KCNMA1: variants seen among roughly 807,000 people sequenced by gnomAD.
KCNMA1 encodes Calcium-activated potassium channel subunit alpha-1.
A neutral mutation model predicts 140.0 loss-of-function variants in KCNMA1; 29 were observed. The ratio of observed to expected loss-of-function variants is 0.21; its 90% CI spans 0.15 to 0.28. KCNMA1 has a LOEUF of 0.28. Among genes scored for constraint, KCNMA1 ranks in the 10% least tolerant of loss-of-function variants. The pLI is 1.00. For missense variants in KCNMA1, 880 were observed against 1,602.2 expected (o/e 0.55, Z 7.70); for synonymous variants, 612 against 611.9 (o/e 1.00, Z 0.00).
rs571000378 is a variant in KCNMA1 at position 77,375,949 on chromosome 10, G to A, written c.540+27913C>T. On this transcript the variant is annotated intron_variant, in intron 2 of 27. Coordinates refer to ENST00000286628, the MANE Select transcript of KCNMA1 (RefSeq NM_001161352.2). ...AGTCCTGCTGCCTTCCCCTCCTCCC[G>A]TGGGTATGAGCCTCCAGCACACTCA... is the stretch of plus-strand genomic sequence containing the variant. Among the ~76,000 whole-genome samples, 9 of 152,152 alleles carry A rather than the reference G, an allele frequency of 5.9e-5. No homozygotes were observed. The South Asian group carries it at 6.2e-4, about 11-fold the overall frequency.
rs1306693033 is a variant in KCNMA1, at chr10:77,152,435, G to A, written c.808+30986C>T. Reference sequence around the variant, plus strand: ...AAGTGATCTCAGGAAACACCAGTAAGGGAACAGGAAAGTGGGGAGGAGATG... The same window carrying A: ...AAGTGATCTCAGGAAACACCAGTAAAGGAACAGGAAAGTGGGGAGGAGATG... On this transcript the variant is annotated intron_variant, in intron 5 of 27. Coordinates refer to ENST00000286628, the MANE Select transcript of KCNMA1 (RefSeq NM_001161352.2). Among the ~76,000 whole-genome samples, 3 of 152,068 alleles carry A rather than the reference G, an allele frequency of 2.0e-5. No individual in the cohort carries two copies. In the East Asian group the frequency reaches 5.8e-4, roughly 29 times the overall value.
At chr10:77,246,872 G>C (rs2058651742) in intron 3 of KCNMA1, among the ~76,000 whole-genome samples, 1 of 152,152 alleles carries the variant, frequency 6.6e-6, no homozygotes. Flanking sequence ...GCCATTTCCT[G>C]CTCCTTCCTA....
chr10:77,408,792 G>A (rs961550631), intron 1 of KCNMA1, among the ~76,000 whole-genome samples: 6 of 152,214 alleles, frequency 3.9e-5, no homozygotes, highest in Non-Finnish European at 5.9e-5. Context: ...AGCTCCCTGA[G>A]AAAGGGATTC....
intron 1 of KCNMA1, among the ~76,000 whole-genome samples, chr10:77,513,429 G>A (rs1301385615): frequency 5.3e-5 from 8 of 152,174 alleles, no homozygotes; most frequent in Non-Finnish European, 1.0e-4. Flanking sequence ...CGTAGCTATC[G>A]AATGCACTGC....
At chr10:77,456,967 T>C (rs192513015) in intron 1 of KCNMA1, among the ~76,000 whole-genome samples, 18 of 152,312 alleles carry the variant, frequency 1.2e-4, no homozygotes, top group Admixed American at 3.9e-4. Context: ...GTTGGATTAC[T>C]GGTTATTGAT....
At chr10:76,972,797 G>A (rs915950862) in intron 19 of KCNMA1, among the ~76,000 whole-genome samples, 1 of 152,170 alleles carries the variant, frequency 6.6e-6, no homozygotes, top group African/African-American at 2.4e-5. Flanking sequence ...TATGAACGCT[G>A]TGTAATGGAG....
chr10:77,346,617 T>C (rs1242817470), intron 2 of KCNMA1, among the ~76,000 whole-genome samples: 3 of 152,182 alleles, frequency 2.0e-5, no homozygotes, highest in Non-Finnish European at 4.4e-5. Flanking sequence ...CCTCATTGTG[T>C]CCTGTTGGAA....
chr10:77,498,109 T>G (rs1200522397), intron 1 of KCNMA1, among the ~76,000 whole-genome samples: 2 of 151,694 alleles, frequency 1.3e-5, no homozygotes, highest in Admixed American at 1.3e-4. Flanking sequence ...AAATCAGTTA[T>G]GCAGAAAAAG....
At chr10:76,985,954 T>A (rs1001227002) in intron 19 of KCNMA1, among the ~76,000 whole-genome samples, 2 of 152,218 alleles carry the variant, frequency 1.3e-5, no homozygotes, top group Non-Finnish European at 2.9e-5. Context: ...AAAGAATAGA[T>A]GTATGCAATA....
At chr10:77,211,493 A>T (rs895318445) in intron 3 of KCNMA1, among the ~76,000 whole-genome samples, 1 of 152,214 alleles carries the variant, frequency 6.6e-6, no homozygotes, top group Admixed American at 6.5e-5. Context: ...ACCTCAAACT[A>T]TAAAATCTTT....
At chr10:77,292,603 C>G (rs1482798787) in intron 2 of KCNMA1, among the ~76,000 whole-genome samples, 2 of 152,214 alleles carry the variant, frequency 1.3e-5, no homozygotes, top group Non-Finnish European at 2.9e-5. Flanking sequence ...ATTAGGTCTC[C>G]TCCATGATAC....
chr10:77,008,171 C>A, intron 18 of KCNMA1: 3 of 1,534,394 alleles, frequency 2.0e-6, no homozygotes, highest in Non-Finnish European at 2.6e-6. Flanking sequence ...CTGCTGGGAA[C>A]CCGTTTTACT....
intron 3 of KCNMA1, among the ~76,000 whole-genome samples, chr10:77,248,731 A>G (rs977508853): frequency 1.3e-5 from 2 of 151,540 alleles, no homozygotes; most frequent in Admixed American, 6.6e-5. Flanking sequence ...TTTTTTTCTC[A>G]TTCACTAAGC....
intron 25 of KCNMA1, chr10:76,904,029 T>C (rs1590069552): frequency 1.3e-5 from 2 of 152,342 alleles, no homozygotes; most frequent in East Asian, 3.9e-4. Flanking sequence ...TATACATATA[T>C]GTACATGCAT....
chr10:77,518,494 T>C, intron 1 of KCNMA1, among the ~76,000 whole-genome samples: 1 of 152,190 alleles, frequency 6.6e-6, no homozygotes, highest in East Asian at 1.9e-4. Context: ...AACACTCTAG[T>C]ATGAATCCGT....
intron 25 of KCNMA1, chr10:76,905,193 G>A (rs2047316638): frequency 1.3e-5 from 2 of 152,212 alleles, no homozygotes; most frequent in South Asian, 4.1e-4. Flanking sequence ...TTCTATTACA[G>A]ATCTTTTATT....
chr10:77,451,696 T>C (rs604677), intron 1 of KCNMA1, among the ~76,000 whole-genome samples: 103,064 of 151,028 alleles, frequency 0.68, 35,155 homozygotes, highest in African/African-American at 0.74. Flanking sequence ...AACATGTGAA[T>C]CACATGTTCA....
At chr10:77,110,120 G>A in intron 8 of KCNMA1, 53 bp downstream of exon 8, 2 of 1,441,142 alleles carry the variant, frequency 1.4e-6, no homozygotes, top group Non-Finnish European at 2.0e-6. Context: ...AATGTATCAT[G>A]GAAAATATTA....
intron 1 of KCNMA1, among the ~76,000 whole-genome samples, chr10:77,629,363 G>A (rs1481814920): frequency 6.6e-6 from 1 of 152,110 alleles, no homozygotes; most frequent in South Asian, 2.1e-4. Flanking sequence ...AGAGAAACCA[G>A]GTGGCATGAA....
Sources: gnomAD v4.1 joint callset for allele counts (sites outside exome capture counted in the v4.1 genomes callset) on GRCh38, gnomAD v4.1.1 for gene constraint, MANE v1.5 for transcripts, NCBI Gene and HGNC (gene_info 2026-07-23, HGNC 2026-07-21) for gene names.